GALNT16: variants seen among roughly 807,000 people sequenced by gnomAD.
GALNT16 encodes the protein UDP-GalNAc:polypeptide N-acetylgalactosaminyltransferase-like protein 1.
Under a neutral mutation model 76.1 loss-of-function variants are expected in GALNT16, and 40 were observed. The ratio of observed to expected loss-of-function variants is 0.53; its 90% confidence interval spans 0.41 to 0.68. The LOEUF (loss-of-function observed/expected upper bound fraction) is 0.68, where lower values mean the gene tolerates loss of function less well. Ranked by LOEUF, GALNT16 falls within the 30% of genes least tolerant of loss-of-function variation. The probability of loss-of-function intolerance (pLI) is 0.00; values close to 1 mark genes in which losing one functional copy is unlikely to be tolerated. For missense variants in GALNT16, 621 were observed against 731.9 expected, an observed-to-expected ratio of 0.85 and a Z score of 1.75; for synonymous variants, 276 against 285.2, an observed-to-expected ratio of 0.97 and a Z score of 0.32.
chr14:69,306,658 A>G (rs902288394), intron 1 of GALNT16, among the ~76,000 whole-genome samples: 52 of 152,210 alleles, frequency 3.4e-4, no homozygotes, highest in African/African-American at 1.2e-3. Flanking sequence ...CATGATTAAA[A>G]TAGGAATCCT....
intron 1 of GALNT16, among the ~76,000 whole-genome samples, chr14:69,262,798 G>A (rs552532337): frequency 9.2e-5 from 14 of 152,210 alleles, no homozygotes; most frequent in Admixed American, 2.6e-4. Context: ...GTGATTTGCA[G>A]CTGAATGTAA....
In GALNT16 at chr14:69,272,482, T is replaced by A. The variant is rs1405931439; in HGVS notation, c.177+12015T>A. ...CCAGGGACTACATATATGACAGTGGTCCCATCAGATTATAATGGAACTGAA... is the reference window on the plus strand; with the variant it reads ...CCAGGGACTACATATATGACAGTGGACCCATCAGATTATAATGGAACTGAA... On this transcript the variant is annotated intron_variant, in intron 1 of 14. Transcript: ENST00000448469. Among the ~76,000 whole-genome samples the A allele has an allele frequency of 2.0e-5, 3 of 152,276 alleles. No individual in the cohort carries two copies. In the East Asian group the frequency reaches 5.8e-4, roughly 29 times the overall value.
Position 69,352,493 on chromosome 14 carries a change from G to A in GALNT16, c.*325G>A, listed in dbSNP as rs1029769717. ...CTTCTTGGGGCTGGGACAATAGTGT[G>A]TGGTCTCTCCCTTGTTGCCCGGAGA... On this transcript the variant is annotated 3_prime_UTR_variant, in exon 15 of 15. Transcript: ENST00000448469. 1.2e-5 allele frequency: 3 copies of A among 246,496 alleles called. No individual in the cohort carries two copies. Among genetic ancestry groups the A allele is most frequent in the Admixed American group, 5.3e-5 (1 of 19,038 alleles). 15.3% of individuals were successfully genotyped at this position (246,496 alleles called of 1,614,324 possible).
At chr14:69,375,840 G>A in the GALNT16 span, among the ~76,000 whole-genome samples, 43 of 152,236 alleles carry the variant, frequency 2.8e-4, 1 homozygote, top group South Asian at 7.9e-3. Context: ...GTCTTGCTAT[G>A]TTGCTCAACT....
intron 1 of GALNT16, among the ~76,000 whole-genome samples, chr14:69,286,839 A>C (rs2044619792): frequency 6.6e-6 from 1 of 152,160 alleles, no homozygotes; most frequent in Non-Finnish European, 1.5e-5. Context: ...AACTCTTTCA[A>C]CTTCTCAGAA....
At chr14:69,286,225 A>G (rs1343473292) in intron 1 of GALNT16, among the ~76,000 whole-genome samples, 1 of 152,084 alleles carries the variant, frequency 6.6e-6, no homozygotes, top group Non-Finnish European at 1.5e-5. Context: ...AACTTTCTGG[A>G]ATGATATTAC....
At chr14:69,336,196 G>C (rs187768257) in intron 9 of GALNT16, among the ~76,000 whole-genome samples, 336 of 152,216 alleles carry the variant, frequency 2.2e-3, no homozygotes, top group Non-Finnish European at 3.5e-3. Flanking sequence ...TGCACTCTCT[G>C]CCTCCAGGGT....
In GALNT16 at chr14:69,352,384, G is replaced by T; in HGVS notation, c.*216G>T. 1 of 547,264 alleles carries T rather than the reference G, an allele frequency of 1.8e-6. No individual in the cohort carries two copies. The highest frequency in any genetic ancestry group is 3.2e-6 in the Non-Finnish European group (1 of 311,194). 33.9% of individuals were successfully genotyped at this position (547,264 alleles called of 1,614,324 possible). On this transcript the variant is annotated 3_prime_UTR_variant, in exon 15 of 15. Coordinates refer to ENST00000448469, the MANE Select transcript of GALNT16 (RefSeq NM_001168368.2). The stretch of plus-strand genomic sequence containing the variant: ...CTCAGTGCTGTCCTGGCCTTGCCCC[G>T]GGAGAGGAGATGGTCAGGGTGCTGG...
chr14:69,343,140 C>T (rs1023441677), intron 12 of GALNT16, among the ~76,000 whole-genome samples: 5 of 152,192 alleles, frequency 3.3e-5, no homozygotes, highest in African/African-American at 9.7e-5. Context: ...GTCTAAAAGC[C>T]GCATGCGCCC....
At chr14:69,361,875 C>T (rs1222070050), downstream of GALNT16, among the ~76,000 whole-genome samples, 2 of 152,042 alleles carry the variant, frequency 1.3e-5, no homozygotes, top group Admixed American at 6.6e-5. Flanking sequence ...GGTGTGGTGG[C>T]GCATGCCTAT....
chr14:69,347,270 TC>T, intron 13 of GALNT16, 89 bp downstream of exon 13: 1 of 1,322,146 alleles, frequency 7.6e-7, no homozygotes, highest in Non-Finnish European at 1.0e-6. Context: ...CTCATTCTCC[TC>T]CTCTGTCTAC....
intron 1 of GALNT16, among the ~76,000 whole-genome samples, chr14:69,273,477 G>T (rs1339886079): frequency 2.0e-5 from 3 of 152,230 alleles, no homozygotes; most frequent in Non-Finnish European, 4.4e-5. Flanking sequence ...GATTAGCCAT[G>T]TCTGTAAAGG....
intron 1 of GALNT16, among the ~76,000 whole-genome samples, chr14:69,267,814 G>T (rs529049688): frequency 6.6e-6 from 1 of 152,090 alleles, no homozygotes; most frequent in Non-Finnish European, 1.5e-5. Context: ...GTCAGGTGAG[G>T]GTTGAACTAC....
chr14:69,311,964 A>T (rs912701525), intron 1 of GALNT16, among the ~76,000 whole-genome samples: 1 of 151,674 alleles, frequency 6.6e-6, no homozygotes, highest in Non-Finnish European at 1.5e-5. Context: ...GCACTTTGGG[A>T]GGCCAAGGCA....
chr14:69,351,703 G>A (rs984142816), intron 14 of GALNT16: 4 of 203,122 alleles, frequency 2.0e-5, no homozygotes, highest in Non-Finnish European at 4.0e-5. Context: ...GAGGTGAGAC[G>A]TTCTAGCTAG....
intron 2 of GALNT16, among the ~76,000 whole-genome samples, chr14:69,321,339 C>G (rs1056147823): frequency 3.9e-5 from 6 of 152,202 alleles, no homozygotes; most frequent in Non-Finnish European, 7.4e-5. Flanking sequence ...TTAGTTCTCT[C>G]AGTATGGTGA....
chr14:69,291,536 G>A, intron 1 of GALNT16, among the ~76,000 whole-genome samples: 1 of 152,174 alleles, frequency 6.6e-6, no homozygotes, highest in Admixed American at 6.5e-5. Context: ...AATGGGAAAG[G>A]CACCTTCTTC....
At chr14:69,346,988 A>G (rs2045573283) in intron 12 of GALNT16, 52 bp from the exon 13 acceptor site, 5 of 1,609,856 alleles carry the variant, frequency 3.1e-6, no homozygotes, top group Non-Finnish European at 4.3e-6. Flanking sequence ...CAGAGGGTGT[A>G]GGTAAGCCTT....
At chr14:69,271,093 C>T (rs898212328) in intron 1 of GALNT16, among the ~76,000 whole-genome samples, 10 of 151,808 alleles carry the variant, frequency 6.6e-5, no homozygotes, top group South Asian at 2.1e-4. Flanking sequence ...TGGTGCCTTG[C>T]GGGGGCATGA....
Sources: allele counts gnomAD v4.1 joint callset (sites outside exome capture counted in the v4.1 genomes callset), GRCh38; gene constraint gnomAD v4.1.1; transcripts MANE v1.5; gene names NCBI Gene and HGNC (gene_info 2026-07-23, HGNC 2026-07-21).